Variants in CEMIP2 observed in about 807,000 individuals in gnomAD.
The protein encoded by CEMIP2 is cell migration inducing hyaluronidase 2.
In CEMIP2, 79 loss-of-function variants were observed where a neutral mutation model predicts 146.9. The ratio of observed to expected loss-of-function variants is 0.54; its 90% CI spans 0.45 to 0.65. The LOEUF (loss-of-function observed/expected upper bound fraction) is 0.65. CEMIP2 is among the 30% of genes least tolerant of loss of function. The pLI, the probability that CEMIP2 is intolerant of heterozygous loss-of-function variation, is 0.00. For missense variants in CEMIP2, 1,596 were observed against 1,696.2 expected (o/e 0.94, Z 1.04); for synonymous variants, 601 against 606.3 (o/e 0.99, Z 0.13).
intron 4 of CEMIP2, among the ~76,000 whole-genome samples, 187 bp downstream of exon 4, chr9:71,744,831 G>GAA (rs1824026899): frequency 1.3e-5 from 2 of 152,168 alleles, no homozygotes; most frequent in Non-Finnish European, 2.9e-5. Flanking sequence ...CAAAGCCAAT[G>GAA]AAAATAGCTT....
chr9:71,709,268 G>A lies in CEMIP2; in HGVS notation c.2976C>T (p.Thr992=). The change falls in exon 17 of 24, where the codon ACC becomes ACT. Residue 992 remains threonine (T), a synonymous_variant. Coordinates refer to ENST00000377044, the MANE Select transcript of CEMIP2 (RefSeq NM_013390.3). ...CATTTGCTAAGCCTACCTGTGCATA[G>A]GTCCCACTGCAGATCACTGCATTCC... ...SKWNAVICSG[T]YAQVYVQTWS... 6.2e-7 allele frequency: 1 copy of A among 1,614,200 alleles called. No homozygotes were observed. Among genetic ancestry groups the A allele is most frequent in the Non-Finnish European group, 8.5e-7 (1 of 1,180,024 alleles).
intron 1 of CEMIP2, among the ~76,000 whole-genome samples, chr9:71,755,961 CA>C (rs55972127): frequency 7.1e-3 from 374 of 52,836 alleles, no homozygotes; most frequent in African/African-American, 0.021. Context: ...CTCTGTCTCA[CA>C]AAAAAAAAAA....
chr9:71,729,479 C>T (rs557006955), intron 10 of CEMIP2, among the ~76,000 whole-genome samples: 9 of 151,992 alleles, frequency 5.9e-5, no homozygotes, highest in South Asian at 2.1e-4. Flanking sequence ...ATTAGCTGGG[C>T]GTGGTAGCAG....
intron 21 of CEMIP2, 21 bp from the exon 22 acceptor site, chr9:71,690,267 T>C: frequency 1.9e-6 from 3 of 1,608,748 alleles, no homozygotes; most frequent in Non-Finnish European, 2.6e-6. Flanking sequence ...AAAAACATCT[T>C]CTGCTGTCAT....
At chr9:71,752,376 T>C (rs1824278415) in intron 1 of CEMIP2, among the ~76,000 whole-genome samples, 1 of 136,846 alleles carries the variant, frequency 7.3e-6, no homozygotes, top group Admixed American at 7.6e-5. Context: ...TTTAATTTTT[T>C]ACGTTCTCTA....
chr9:71,724,617 G>C (rs991219887), intron 11 of CEMIP2, among the ~76,000 whole-genome samples: 13 of 152,182 alleles, frequency 8.5e-5, no homozygotes, highest in African/African-American at 2.4e-4. Flanking sequence ...TAAAGTGCCT[G>C]TGAGCACAAA....
chr9:71,708,929 T>C (rs897303952), intron 17 of CEMIP2, among the ~76,000 whole-genome samples: 1 of 152,172 alleles, frequency 6.6e-6, no homozygotes, highest in Non-Finnish European at 1.5e-5. Context: ...AGCTGTAGTG[T>C]GGCAAGAAAA....
intron 1 of CEMIP2, among the ~76,000 whole-genome samples, chr9:71,753,810 TC>T (rs1824330036): frequency 6.6e-6 from 1 of 152,206 alleles, no homozygotes; most frequent in Non-Finnish European, 1.5e-5. Context: ...TAATTATAGA[TC>T]TAAATTATTC....
intron 1 of CEMIP2, among the ~76,000 whole-genome samples, chr9:71,756,502 T>TCACACACA (rs1354053174): frequency 2.9e-5 from 3 of 104,768 alleles, no homozygotes; most frequent in African/African-American, 1.1e-4. Flanking sequence ...TCTCTCTCTC[T>TCACACACA]CTCTCACACA....
At chr9:71,691,242 C>T (rs982271319) in intron 21 of CEMIP2, among the ~76,000 whole-genome samples, 1 of 151,964 alleles carries the variant, frequency 6.6e-6, no homozygotes, top group African/African-American at 2.4e-5. Flanking sequence ...TCCTGACCAA[C>T]AAGGTGAAAC....
In CEMIP2 at chr9:71,704,967, T is replaced by C. The variant is rs559006853; in HGVS notation, c.2986-164A>G. 9 of 624,790 alleles carry C rather than the reference T, an allele frequency of 1.4e-5. No homozygotes were observed. In the African/African-American group the frequency reaches 1.7e-4, roughly 11 times the overall value. 38.7% of individuals were successfully genotyped at this position (624,790 alleles called of 1,614,324 possible). On this transcript the variant is annotated intron_variant, in intron 17 of 23. Transcript: ENST00000377044. ...CAACTACATCCTCAGCCACTTATAG[T>C]GCAGCCTACTTAAACTAGAAATGGT...
chr9:71,732,172 A>T (rs531458167), intron 7 of CEMIP2, among the ~76,000 whole-genome samples, 179 bp downstream of exon 7: 1 of 152,188 alleles, frequency 6.6e-6, no homozygotes, highest in Admixed American at 6.5e-5. Flanking sequence ...GTCCAGGTCA[A>T]CTAACTGAAG....
At chr9:71,726,976 A>T (rs1823403392) in intron 10 of CEMIP2, among the ~76,000 whole-genome samples, 1 of 152,214 alleles carries the variant, frequency 6.6e-6, no homozygotes, top group Non-Finnish European at 1.5e-5. Context: ...CAGTGGTGTC[A>T]ACACAGGTAA....
chr9:71,728,267 A>ACACG (rs1233256723), intron 10 of CEMIP2, among the ~76,000 whole-genome samples: 3 of 11,112 alleles, frequency 2.7e-4, no homozygotes, highest in African/African-American at 5.1e-4. Context: ...ACACGTATAT[A>ACACG]TATATATATA....
At position 71,694,328 on chromosome 9, in the gene CEMIP2, A is replaced by G. The variant is rs373648532; in HGVS notation, c.3696+181T>C. 7.8e-4 allele frequency among the ~76,000 whole-genome samples: 118 copies of G among 152,178 alleles called. 1 individual carries two copies. The South Asian group carries it at 0.019, about 25-fold the overall frequency. On this transcript the variant is annotated intron_variant, in intron 21 of 23. Coordinates refer to ENST00000377044, the MANE Select transcript of CEMIP2 (RefSeq NM_013390.3). Reference sequence around the variant, plus strand: ...TTTTTAGTAGAGACAGCGTTTCACCATGTTAGCCAGGATGGTCTCGATCTA... The same window carrying G: ...TTTTTAGTAGAGACAGCGTTTCACCGTGTTAGCCAGGATGGTCTCGATCTA...
At chr9:71,739,722 T>G (rs1447665106) in intron 5 of CEMIP2, among the ~76,000 whole-genome samples, 2 of 152,186 alleles carry the variant, frequency 1.3e-5, no homozygotes, top group Non-Finnish European at 2.9e-5. Flanking sequence ...CAGCTTTGAA[T>G]GCAGCCCAAC....
intron 14 of CEMIP2, among the ~76,000 whole-genome samples, chr9:71,715,913 G>A (rs117345109): frequency 4.8e-4 from 72 of 151,398 alleles, no homozygotes; most frequent in Admixed American, 3.8e-3. Context: ...GGTGTGAGCC[G>A]GTATGTCCAG....
intron 1 of CEMIP2, among the ~76,000 whole-genome samples, chr9:71,759,052 A>G (rs1337410921): frequency 1.3e-5 from 2 of 152,176 alleles, no homozygotes; most frequent in Admixed American, 1.3e-4. Flanking sequence ...TATTAAGCAG[A>G]TTATAGCCAG....
intron 1 of CEMIP2, among the ~76,000 whole-genome samples, chr9:71,764,421 A>G (rs543131655): frequency 7.0e-6 from 1 of 143,160 alleles, no homozygotes; most frequent in East Asian, 2.0e-4. Context: ...TCTGAGAAAG[A>G]AAAAAAAAAA....
Sources: gnomAD v4.1 joint callset for allele counts (sites outside exome capture counted in the v4.1 genomes callset) on GRCh38, gnomAD v4.1.1 for gene constraint, MANE v1.5 for transcripts, NCBI Gene and HGNC (gene_info 2026-07-23, HGNC 2026-07-21) for gene names.